WDHD1: variants seen among roughly 807,000 people sequenced by gnomAD.
WDHD1 encodes the protein WD repeat and HMG-box DNA-binding protein 1.
A neutral mutation model predicts 135.4 loss-of-function variants in WDHD1; 111 were observed. The ratio of observed to expected loss-of-function variants is 0.82; its 90% CI spans 0.70 to 0.96. The LOEUF is 0.96. WDHD1 is among the 40% of genes least tolerant of loss of function. WDHD1 has a pLI of 0.00. For synonymous variants in WDHD1, 434 were observed against 439.0 expected (o/e 0.99, Z 0.14); for missense variants, 1,351 against 1,336.3 (o/e 1.01, Z -0.17).
intron 13 of WDHD1, among the ~76,000 whole-genome samples, chr14:54,987,925 C>A (rs1165399882): frequency 6.6e-6 from 1 of 152,098 alleles, no homozygotes; most frequent in Non-Finnish European, 1.5e-5. Flanking sequence ...CCATGCCCAG[C>A]CTGAAGGATA....
intron 18 of WDHD1, among the ~76,000 whole-genome samples, chr14:54,964,315 C>T (rs560299725): frequency 1.3e-5 from 2 of 152,064 alleles, no homozygotes; most frequent in South Asian, 4.2e-4. Flanking sequence ...ACTTCTTAAT[C>T]GGGATGGTAC....
intron 20 of WDHD1, 57 bp downstream of exon 20, chr14:54,962,681 G>C (rs1416736266): frequency 1.9e-6 from 3 of 1,591,290 alleles, no homozygotes; most frequent in African/African-American, 2.7e-5. Context: ...AAGCAAAATG[G>C]GAAAAGCCAC....
intron 15 of WDHD1, among the ~76,000 whole-genome samples, chr14:54,982,118 T>G (rs894023742): frequency 2.6e-5 from 4 of 152,038 alleles, no homozygotes; most frequent in Non-Finnish European, 5.9e-5. Context: ...GCCATTCTCC[T>G]GCCTCAGCCT....
rs796644276 is a variant in WDHD1 at position 54,993,045 on chromosome 14, CAT to C, written c.1154-1647_1154-1646del. Among the ~76,000 whole-genome samples, 4 of 152,222 alleles carry C rather than the reference CAT, an allele frequency of 2.6e-5. No individual in the cohort carries two copies. The East Asian group carries it at 5.8e-4, about 22-fold the overall frequency. On this transcript the variant is annotated intron_variant, in intron 11 of 25. Transcript: ENST00000360586. ...CTTCAGTGAACCAATATTATCAATT[CAT>C]ATGTTACAAAATTAAACATGATTTT...
In WDHD1 at chr14:54,981,473, C is replaced by A. The variant is rs1019315207; in HGVS notation, c.2063+67G>T. The stretch of plus-strand genomic sequence containing the variant: ...ATAAAAGACAAATACACTTAAAGGG[C>A]CTCATAAAAAGAATTTCAACATACT... On this transcript the variant is annotated intron_variant, in intron 16 of 25. Transcript: ENST00000360586. The A allele has an allele frequency of 6.9e-6, 10 of 1,444,466 alleles. No homozygotes were observed. The African/African-American group carries it at 1.4e-4, about 21-fold the overall frequency. The allele number at this position is 1,444,466 out of a possible 1,614,324, so 89.5% of individuals were successfully genotyped here.
intron 2 of WDHD1, among the ~76,000 whole-genome samples, chr14:55,025,381 T>A (rs1044413316): frequency 6.6e-6 from 1 of 151,802 alleles, no homozygotes; most frequent in Non-Finnish European, 1.5e-5. Context: ...TGCTGAACGC[T>A]GGTTCCCCGG....
chr14:54,952,788 T>C (rs1410521037), intron 24 of WDHD1, among the ~76,000 whole-genome samples: 1 of 152,038 alleles, frequency 6.6e-6, no homozygotes, highest in Non-Finnish European at 1.5e-5. Flanking sequence ...TACAGACCAA[T>C]GGAACAGAAC....
rs1193313038 is a variant in WDHD1 at position 54,963,125 on chromosome 14, A to G, written c.2358T>C (p.Asp786=). The change falls in exon 19 of 26, where the codon GAT becomes GAC. Residue 786 remains aspartate, a synonymous_variant. Transcript: ENST00000360586. ...AATTCACAGCATTTTGAGTCATTAGATCAGCAAGTTCCACACAACGGAATT... is the reference window on the plus strand; with the variant it reads ...AATTCACAGCATTTTGAGTCATTAGGTCAGCAAGTTCCACACAACGGAATT... ...EREFRCVELA[D]LMTQNAVNLA... is the part of the protein sequence containing the mutation. 1.4e-6 allele frequency: 2 copies of G among 1,416,930 alleles called. No individual in the cohort carries two copies. The highest frequency in any genetic ancestry group is 3.0e-5 in the African/African-American group (2 of 66,442). The allele number at this position is 1,416,930 out of a possible 1,614,324, so 87.8% of individuals were successfully genotyped here.
At chr14:55,018,976 T>C (rs2042302288) in intron 2 of WDHD1, among the ~76,000 whole-genome samples, 1 of 152,196 alleles carries the variant, frequency 6.6e-6, no homozygotes, top group Non-Finnish European at 1.5e-5. Flanking sequence ...TGGGCCGAGA[T>C]GGTGCCATTG....
intron 16 of WDHD1, among the ~76,000 whole-genome samples, chr14:54,980,219 G>A (rs1219541847): frequency 6.6e-6 from 1 of 152,042 alleles, no homozygotes; most frequent in Admixed American, 6.6e-5. Context: ...GGAAGGCTAA[G>A]GTGGGAGGAT....
chr14:55,020,205 C>G (rs1359435647), intron 2 of WDHD1, among the ~76,000 whole-genome samples: 3 of 152,170 alleles, frequency 2.0e-5, no homozygotes, highest in African/African-American at 4.8e-5. Flanking sequence ...GAGACAAAAT[C>G]AAAACCACGT....
chr14:54,962,794 T>C lies in WDHD1; in HGVS notation c.2591A>G (p.Asp864Gly), dbSNP rs1293578760. The C allele has an allele frequency of 1.2e-6, 2 of 1,613,706 alleles. No individual in the cohort carries two copies. Among genetic ancestry groups the C allele is most frequent in the South Asian group, 2.2e-5 (2 of 91,084 alleles). The change falls in exon 20 of 26, where the codon GAT becomes GGT. Residue 864 changes from aspartate to glycine, a missense_variant. Asp to Gly is a moderately conservative substitution (Grantham distance 94). Around this residue, in one of 2 missense-constraint regions of WDHD1, gnomAD observed 1,330 missense variants for 1,296.1 expected, o/e 1.03. Transcript: ENST00000360586. ...QPRFRNQVEE[D>G]AEDSGEADDE... ...ATCAGCTTCTCCACTGTCCTCAGCA[T>C]CTTCTTCAACTTGATTTCTGAACCT...
chr14:54,953,779 A>T (rs2041103745), intron 24 of WDHD1, among the ~76,000 whole-genome samples: 1 of 152,206 alleles, frequency 6.6e-6, no homozygotes, highest in African/African-American at 2.4e-5. Context: ...ACACCATGGA[A>T]TACTATACAG....
intron 7 of WDHD1, chr14:55,005,449 C>G (rs1053702943): frequency 5.3e-6 from 3 of 568,994 alleles, no homozygotes; most frequent in Non-Finnish European, 1.0e-5. Flanking sequence ...GACCAGTATT[C>G]CTGGATGATA....
chr14:54,987,437 C>CATGTAT, intron 13 of WDHD1, 50 bp from the exon 14 acceptor site: 1 of 1,350,056 alleles, frequency 7.4e-7, no homozygotes, highest in Non-Finnish European at 1.0e-6. Flanking sequence ...ATGATATTTA[C>CATGTAT]ATATATATAT....
chr14:55,026,615 T>C, intron 2 of WDHD1, 96 bp downstream of exon 2: 1 of 1,185,968 alleles, frequency 8.4e-7, no homozygotes. Flanking sequence ...TATTCCTCTA[T>C]CCGCATGAGT....
rs1045764926 is a variant in WDHD1, at chr14:55,018,108, C to T, written c.78-4512G>A. On this transcript the variant is annotated intron_variant, in intron 2 of 25. Transcript: ENST00000360586. The stretch of plus-strand genomic sequence containing the variant: ...TGATTGGGTTTTTAAAATCTTTAAG[C>T]CTTTGAAGAGCGAGCGACTCTGTAA... Among the ~76,000 whole-genome samples, 4 of 152,194 alleles carry T rather than the reference C, an allele frequency of 2.6e-5. No individual in the cohort carries two copies. In the South Asian group the frequency reaches 6.2e-4, roughly 24 times the overall value.
chr14:54,956,997 T>C (rs746232191), intron 23 of WDHD1, 37 bp downstream of exon 23: 1 of 1,595,264 alleles, frequency 6.3e-7, no homozygotes. Context: ...ACAGATCCCA[T>C]GCTGCTTACT....
chr14:54,993,242 C>G (rs1316944446), intron 11 of WDHD1, among the ~76,000 whole-genome samples: 1 of 152,074 alleles, frequency 6.6e-6, no homozygotes, highest in Non-Finnish European at 1.5e-5. Context: ...CTCAGCCTCC[C>G]AAGTAGGTGG....
Sources: gnomAD v4.1 joint callset for allele counts (sites outside exome capture counted in the v4.1 genomes callset) on GRCh38, gnomAD v4.1.1 for gene constraint, gnomAD v4.1.1 regional missense constraint, MANE v1.5 for transcripts, NCBI Gene and HGNC (gene_info 2026-07-23, HGNC 2026-07-21) for gene names.